EML4: variants seen among roughly 807,000 people sequenced by gnomAD.
The protein encoded by EML4 is echinoderm microtubule-associated protein-like 4.
EML4 carries 72 observed loss-of-function variants against 129.0 expected under a neutral mutation model. The ratio of observed to expected loss-of-function variants is 0.56; its 90% CI spans 0.46 to 0.68. The LOEUF (loss-of-function observed/expected upper bound fraction) is 0.68. Among genes scored for constraint, EML4 ranks in the 30% least tolerant of loss-of-function variants. The pLI is 0.00. For missense variants in EML4, 1,363 were observed against 1,190.6 expected (o/e 1.14, Z -2.13); for synonymous variants, 532 against 405.0 (o/e 1.31, Z -3.77).
intron 1 of EML4, among the ~76,000 whole-genome samples, chr2:42,223,047 C>T (rs1673716350): frequency 6.6e-6 from 1 of 152,092 alleles, no homozygotes; most frequent in African/African-American, 2.4e-5. Flanking sequence ...GATCCGCCCT[C>T]CACCCCTTCG....
intron 1 of EML4, among the ~76,000 whole-genome samples, chr2:42,198,610 C>G (rs186009955): frequency 6.6e-6 from 1 of 152,278 alleles, no homozygotes; most frequent in East Asian, 1.9e-4. Flanking sequence ...AGGAATATTT[C>G]TACCTGAAGT....
chr2:42,254,330 A>G lies in EML4; in HGVS notation c.209-2171A>G, dbSNP rs568535198. On this transcript the variant is annotated intron_variant, in intron 2 of 22. Transcript: ENST00000318522. ...AAATTAGCCAGGCACGGTGGTGTGC[A>G]CCTGTAGTCACAGCTGCTCAGGAGG... Among the ~76,000 whole-genome samples, 5 of 152,052 alleles carry G rather than the reference A, an allele frequency of 3.3e-5. No individual in the cohort carries two copies. In the South Asian group the frequency reaches 1.0e-3, roughly 32 times the overall value.
chr2:42,200,604 G>C (rs1672172450), intron 1 of EML4, among the ~76,000 whole-genome samples: 1 of 152,154 alleles, frequency 6.6e-6, no homozygotes, highest in Non-Finnish European at 1.5e-5. Context: ...TGAAAAGATG[G>C]TTTCAGAAAT....
At chr2:42,326,122 T>C (rs771870262) in intron 20 of EML4, 32 bp from the exon 21 acceptor site, 6 of 1,609,906 alleles carry the variant, frequency 3.7e-6, no homozygotes, top group Non-Finnish European at 4.2e-6. Flanking sequence ...ACACAAGCAC[T>C]ATGATTATAC....
chr2:42,320,171 G>A (rs1669447519), intron 19 of EML4, among the ~76,000 whole-genome samples: 1 of 152,024 alleles, frequency 6.6e-6, no homozygotes, highest in South Asian at 2.1e-4. Flanking sequence ...CATCATTATA[G>A]TCCAGGGCCT....
chr2:42,236,055 C>G (rs1674655599), intron 1 of EML4, among the ~76,000 whole-genome samples: 1 of 152,160 alleles, frequency 6.6e-6, no homozygotes, highest in Non-Finnish European at 1.5e-5. Flanking sequence ...GAGTGTCTCA[C>G]TGTCCTATCC....
intron 6 of EML4, among the ~76,000 whole-genome samples, chr2:42,273,259 ATAGT>A (rs1428827580): frequency 1.3e-5 from 2 of 152,226 alleles, no homozygotes; most frequent in African/African-American, 2.4e-5. Context: ...TTTAAGCAGT[ATAGT>A]TAGTCTTTTA....
At chr2:42,282,170 A>C (rs1049995684) in intron 7 of EML4, among the ~76,000 whole-genome samples, 2 of 141,210 alleles carry the variant, frequency 1.4e-5, no homozygotes, top group African/African-American at 5.3e-5. Flanking sequence ...TTGTAATTTT[A>C]TATTTGGTGA....
chr2:42,225,495 T>G (rs1673901407), intron 1 of EML4, among the ~76,000 whole-genome samples: 1 of 152,212 alleles, frequency 6.6e-6, no homozygotes. Context: ...GTAGGCCAAG[T>G]ATATTTTCAC....
At position 42,280,959 on chromosome 2, in the gene EML4, C is replaced by A. The variant is rs1435130282; in HGVS notation, c.777C>A (p.Leu259=). 5 of 1,605,178 alleles carry A rather than the reference C, an allele frequency of 3.1e-6. No homozygotes were observed. The Admixed American group carries it at 8.7e-5, about 28-fold the overall frequency. ...DIRTELPPEK[L]KLEWAYGYRG... ...GAACGGAACTGCCTCCTGAGAAGCT[C>A]AAACTGGAGTGGGCGTATCCTTCTC... Residue 259 remains leucine, a synonymous_variant, in exon 7 of 23, where the codon CTC becomes CTA. Coordinates refer to ENST00000318522, the MANE Select transcript of EML4 (RefSeq NM_019063.5).
intron 2 of EML4, among the ~76,000 whole-genome samples, chr2:42,250,956 C>G (rs183096692): frequency 7.9e-5 from 12 of 152,304 alleles, no homozygotes; most frequent in African/African-American, 2.9e-4. Flanking sequence ...AGCATGCAAC[C>G]TAGATCCCTC....
chr2:42,254,225 C>G (rs1045325336), intron 2 of EML4, among the ~76,000 whole-genome samples: 3 of 152,096 alleles, frequency 2.0e-5, no homozygotes, highest in African/African-American at 7.2e-5. Flanking sequence ...GAGGCAGAGG[C>G]AGGTGGATTG....
At chr2:42,239,769 G>GC in intron 1 of EML4, among the ~76,000 whole-genome samples, 1 of 151,820 alleles carries the variant, frequency 6.6e-6, no homozygotes, top group East Asian at 1.9e-4. Context: ...AATAAAGGCG[G>GC]CGGGGGGTGG....
intron 1 of EML4, among the ~76,000 whole-genome samples, chr2:42,196,918 T>G (rs527525517): frequency 6.6e-6 from 1 of 152,294 alleles, no homozygotes; most frequent in East Asian, 1.9e-4. Context: ...AATGGGAGAT[T>G]AGTGTAAGAG....
intron 19 of EML4, among the ~76,000 whole-genome samples, chr2:42,323,640 A>T (rs914023599): frequency 6.6e-6 from 1 of 152,130 alleles, no homozygotes; most frequent in African/African-American, 2.4e-5. Flanking sequence ...TTGTTAACTT[A>T]CAAAATAAAA....
At position 42,278,465 on chromosome 2, in the gene EML4, T is replaced by C. The variant is rs148941117; in HGVS notation, c.668-2385T>C. ...GGTGCATGCCTGTAATCCCAGCTACTTGGGAGGCTGAGTGGGGAGAATCAC... is the reference window on the plus strand; with the variant it reads ...GGTGCATGCCTGTAATCCCAGCTACCTGGGAGGCTGAGTGGGGAGAATCAC... On this transcript the variant is annotated intron_variant, in intron 6 of 22. Transcript: ENST00000318522. Among the ~76,000 whole-genome samples the C allele has an allele frequency of 4.0e-3, 597 of 150,664 alleles. 17 individuals carry two copies. The highest frequency in any genetic ancestry group is 1.0e-3 in the Non-Finnish European group (70 of 67,850).
intron 1 of EML4, among the ~76,000 whole-genome samples, chr2:42,207,721 C>T (rs1386897642): frequency 1.3e-5 from 2 of 152,166 alleles, no homozygotes; most frequent in East Asian, 3.8e-4. Flanking sequence ...GGTCTTCACT[C>T]AGTTCTGATT....
intron 17 of EML4, among the ~76,000 whole-genome samples, chr2:42,305,473 T>C (rs1668545107): frequency 6.6e-6 from 1 of 152,214 alleles, no homozygotes; most frequent in Non-Finnish European, 1.5e-5. Context: ...TTGAAGCTGA[T>C]GTAACACCAT....
At chr2:42,307,713 G>C (rs550004924) in intron 17 of EML4, among the ~76,000 whole-genome samples, 15 of 152,132 alleles carry the variant, frequency 9.9e-5, no homozygotes, top group Non-Finnish European at 2.2e-4. Flanking sequence ...GAGTGCAATG[G>C]CATGATCCCA....
Sources: allele counts gnomAD v4.1 joint callset (sites outside exome capture counted in the v4.1 genomes callset), GRCh38; gene constraint gnomAD v4.1.1; transcripts MANE v1.5; gene names NCBI Gene and HGNC (gene_info 2026-07-23, HGNC 2026-07-21).